The following SGK1 variants were observed in gnomAD, a reference collection of about 807,000 sequenced individuals.
The protein encoded by SGK1 is serum/glucocorticoid regulated kinase 1, also known as serine/threonine-protein kinase Sgk1.
In SGK1, 26 loss-of-function variants were observed where a neutral mutation model predicts 64.2. That is an observed-to-expected ratio of 0.40 (90% CI 0.30 to 0.56). SGK1 has a LOEUF of 0.56. Ranked by LOEUF, SGK1 falls within the 20% of genes least tolerant of loss-of-function variation. The pLI is 0.38. For synonymous variants in SGK1, 265 were observed against 239.7 expected (o/e 1.11, Z -0.98); for missense variants, 519 against 645.6 (o/e 0.80, Z 2.12).
At chr6:134,205,276 G>A (rs956827669) in intron 3 of SGK1, among the ~76,000 whole-genome samples, 15 of 151,992 alleles carry the variant, frequency 9.9e-5, no homozygotes, top group African/African-American at 3.6e-4. Context: ...TTATTGTGGT[G>A]GTATACTGCT....
intron 1 of SGK1, among the ~76,000 whole-genome samples, chr6:134,269,696 G>T (rs1013952560): frequency 1.4e-5 from 2 of 146,888 alleles, no homozygotes; most frequent in African/African-American, 4.9e-5. Flanking sequence ...TAAGAGACCT[G>T]CATGCCTATG....
intron 1 of SGK1, among the ~76,000 whole-genome samples, chr6:134,295,613 G>A (rs375614165): frequency 6.6e-6 from 1 of 152,154 alleles, no homozygotes; most frequent in Non-Finnish European, 1.5e-5. Flanking sequence ...TGAGGCAGGA[G>A]GATCGCTTGA....
intron 11 of SGK1, 54 bp from the exon 12 acceptor site, chr6:134,171,232 C>T (rs1775012915): frequency 6.7e-7 from 1 of 1,502,280 alleles, no homozygotes; most frequent in South Asian, 1.1e-5. Flanking sequence ...ATATGGCACA[C>T]ATTACCAGTA....
intron 3 of SGK1, among the ~76,000 whole-genome samples, chr6:134,189,501 T>C (rs1327477354): frequency 1.3e-5 from 2 of 152,208 alleles, no homozygotes; most frequent in Admixed American, 1.3e-4. Context: ...TACTTATTAT[T>C]TGTTTATACA....
chr6:134,185,436 A>G (rs1203682902), intron 3 of SGK1, among the ~76,000 whole-genome samples: 3 of 152,212 alleles, frequency 2.0e-5, no homozygotes, highest in Non-Finnish European at 4.4e-5. Flanking sequence ...AGTAGTTTTA[A>G]AGCCATAGCA....
chr6:134,197,896 TAAAATATAAAATAAAATAAA>T (rs1330887850), intron 3 of SGK1, among the ~76,000 whole-genome samples: 6 of 52,216 alleles, frequency 1.1e-4, no homozygotes, highest in Admixed American at 1.8e-4. Flanking sequence ...TAAAATAAAA[TAAAATATAAAATAAAATAAA>T]ATAAAATAAA....
intron 1 of SGK1, chr6:134,298,697 GGTGGAGGCAGGA>G (rs142681309): frequency 0.079 from 74,669 of 947,536 alleles, 4,784 homozygotes; most frequent in East Asian, 0.24. Context: ...TGATGGACAT[GGTGGAGGCAGGA>G]GTGGAGGCAG....
chr6:134,171,788 C>G, intron 10 of SGK1, 56 bp from the exon 11 acceptor site: 1 of 1,130,296 alleles, frequency 8.8e-7, no homozygotes, highest in African/African-American at 1.5e-5. Flanking sequence ...AGCAATCCCA[C>G]GACCACACAT....
At chr6:134,171,870 A>G in intron 10 of SGK1, 138 bp from the exon 11 acceptor site, 1 of 651,460 alleles carries the variant, frequency 1.5e-6, no homozygotes, top group Non-Finnish European at 2.7e-6. Flanking sequence ...TCCTGATAAA[A>G]CTGCTGGACT....
intron 3 of SGK1, among the ~76,000 whole-genome samples, chr6:134,189,173 A>G (rs1396834838): frequency 6.6e-6 from 1 of 151,848 alleles, no homozygotes; most frequent in Non-Finnish European, 1.5e-5. Context: ...CAAGCATTTC[A>G]GATACTGCAT....
At position 134,287,545 on chromosome 6, in the gene SGK1, G is replaced by A. The variant is rs138116230; in HGVS notation, c.70-25397C>T. On this transcript the variant is annotated intron_variant, in intron 1 of 13. Transcript: ENST00000367858. ...TATTTGTCTATTTATTGGAAAATAC[G>A]TTTTGGATTGTATTTATTTTTTATT... Among the ~76,000 whole-genome samples, 9 of 149,606 alleles carry A rather than the reference G, an allele frequency of 6.0e-5. No homozygotes were observed. In the South Asian group the frequency reaches 1.3e-3, roughly 21 times the overall value.
In SGK1 at chr6:134,271,326, A is replaced by AAG. The variant is rs147039767; in HGVS notation, c.70-9179_70-9178insCT. ...GAAACTGTCTCAAAAAAAAAAAAAA[A>AAG]TTGTGGGACTCATTCTTTTCGTTTG... On this transcript the variant is annotated intron_variant, in intron 1 of 13. Coordinates refer to ENST00000367858, the MANE Select transcript of SGK1 (RefSeq NM_001143676.3). Among the ~76,000 whole-genome samples, 189 of 131,176 alleles carry AAG rather than the reference A, an allele frequency of 1.4e-3. 21 individuals are homozygous for AAG. The highest frequency in any genetic ancestry group is 2.3e-3 in the Non-Finnish European group (129 of 55,734). The allele number at this position is 131,176 out of a possible 152,430, so 86.1% of individuals were successfully genotyped here. A position where few individuals can be genotyped will look rare whatever the true frequency, so the allele number is the denominator to read the frequency against.
intron 3 of SGK1, among the ~76,000 whole-genome samples, chr6:134,182,650 T>A (rs1294410039): frequency 6.6e-6 from 1 of 152,108 alleles, no homozygotes; most frequent in Non-Finnish European, 1.5e-5. Flanking sequence ...TTCCAACAAA[T>A]CAAAACAATA....
intron 1 of SGK1, among the ~76,000 whole-genome samples, chr6:134,287,298 G>A (rs1293986734): frequency 6.6e-6 from 1 of 152,062 alleles, no homozygotes; most frequent in African/African-American, 2.4e-5. Flanking sequence ...TATAGAGTCA[G>A]GAGTTTTGTA....
At chr6:134,176,666 A>G (rs964688663) in intron 3 of SGK1, among the ~76,000 whole-genome samples, 1 of 152,210 alleles carries the variant, frequency 6.6e-6, no homozygotes, top group South Asian at 2.1e-4. Flanking sequence ...CTGCCATTTT[A>G]AAGTTGCCTA....
chr6:134,241,053 T>TTC (rs1481617111), intron 2 of SGK1, among the ~76,000 whole-genome samples: 1 of 28,028 alleles, frequency 3.6e-5, no homozygotes, highest in African/African-American at 5.4e-5. Flanking sequence ...TTTTTCTTTT[T>TTC]TTTTTTTTTT....
At chr6:134,240,806 G>A (rs186242436) in intron 2 of SGK1, among the ~76,000 whole-genome samples, 217 of 152,276 alleles carry the variant, frequency 1.4e-3, no homozygotes, top group Middle Eastern at 3.4e-3. Context: ...ATTAAAGGAA[G>A]TGTCTTCGAG....
chr6:134,187,317 G>A (rs1363514554), intron 3 of SGK1, among the ~76,000 whole-genome samples: 1 of 152,234 alleles, frequency 6.6e-6, no homozygotes, highest in African/African-American at 2.4e-5. Context: ...TCCTCCCTCT[G>A]GAACTAAGAC....
At chr6:134,227,943 C>CTTTT (rs869082001) in intron 2 of SGK1, among the ~76,000 whole-genome samples, 7 of 69,730 alleles carry the variant, frequency 1.0e-4, no homozygotes, top group African/African-American at 3.9e-4. Flanking sequence ...GGAATTCATT[C>CTTTT]TTTTTTTTTT....
Sources: gnomAD v4.1 joint callset for allele counts (sites outside exome capture counted in the v4.1 genomes callset) on GRCh38, gnomAD v4.1.1 for gene constraint, MANE v1.5 for transcripts, NCBI Gene and HGNC (gene_info 2026-07-23, HGNC 2026-07-21) for gene names.